SOX5: variants seen among roughly 807,000 people sequenced by gnomAD.
SOX5 encodes the protein transcription factor SOX-5.
A neutral mutation model predicts 92.0 loss-of-function variants in SOX5; 9 were observed. That is an observed-to-expected ratio of 0.10 (90% CI 0.06 to 0.17). The LOEUF (loss-of-function observed/expected upper bound fraction) is 0.17, where lower values mean the gene tolerates loss of function less well. SOX5 is among the 10% of genes least tolerant of loss of function. The probability of loss-of-function intolerance (pLI) is 1.00; values close to 1 mark genes in which losing one functional copy is unlikely to be tolerated. For synonymous variants in SOX5, 344 were observed against 336.3 expected (o/e 1.02, Z -0.25); for missense variants, 642 against 944.5 (o/e 0.68, Z 4.20).
At chr12:24,327,010 G>A (rs1406144937) in intron 2 of SOX5, among the ~76,000 whole-genome samples, 1 of 152,180 alleles carries the variant, frequency 6.6e-6, no homozygotes, top group Non-Finnish European at 1.5e-5. Context: ...CTCAGACACA[G>A]TAGGTGCTCA....
At chr12:24,075,345 T>C (rs1382129975) in intron 4 of SOX5, among the ~76,000 whole-genome samples, 1 of 151,314 alleles carries the variant, frequency 6.6e-6, no homozygotes, top group African/African-American at 2.4e-5. Context: ...TTTTCCTAAT[T>C]TTTTATAGCA....
intron 1 of SOX5, among the ~76,000 whole-genome samples, chr12:24,382,804 G>C (rs1445360339): frequency 6.6e-6 from 1 of 152,048 alleles, no homozygotes; most frequent in Non-Finnish European, 1.5e-5. Flanking sequence ...CAAAAGAGAG[G>C]AGTCAAGGAT....
At chr12:24,519,879 T>A (rs1950115756) in intron 1 of SOX5, among the ~76,000 whole-genome samples, 1 of 152,072 alleles carries the variant, frequency 6.6e-6, no homozygotes. Context: ...CTGAGGCACA[T>A]TACAATCAAA....
intron 1 of SOX5, among the ~76,000 whole-genome samples, chr12:24,475,285 CTATGAG>C (rs1275091480): frequency 1.3e-5 from 2 of 152,296 alleles, no homozygotes; most frequent in African/African-American, 2.4e-5. Flanking sequence ...TATACCATTT[CTATGAG>C]TATATCAAGA....
chr12:23,988,523 A>G (rs906087884), intron 4 of SOX5, among the ~76,000 whole-genome samples: 15 of 152,224 alleles, frequency 9.9e-5, no homozygotes, highest in African/African-American at 3.6e-4. Context: ...AAGCAAAAGT[A>G]TTTGAGAGTG....
intron 3 of SOX5, among the ~76,000 whole-genome samples, chr12:24,213,949 A>T (rs1187188792): frequency 1.3e-5 from 2 of 150,462 alleles, no homozygotes; most frequent in African/African-American, 4.9e-5. Context: ...GATAGTTTAA[A>T]ATATATATAT....
intron 4 of SOX5, among the ~76,000 whole-genome samples, chr12:24,155,522 G>A (rs1018483825): frequency 6.6e-6 from 1 of 152,084 alleles, no homozygotes; most frequent in Non-Finnish European, 1.5e-5. Context: ...GGGTTCAGAA[G>A]TACAGAAAGC....
chr12:24,438,202 T>C (rs1309838682), intron 1 of SOX5, among the ~76,000 whole-genome samples: 1 of 152,132 alleles, frequency 6.6e-6, no homozygotes, highest in East Asian at 1.9e-4. Context: ...AAACCCCACA[T>C]GTTCTCACTC....
At chr12:23,758,282 C>A (rs2094460472) in intron 3 of SOX5, among the ~76,000 whole-genome samples, 1 of 151,660 alleles carries the variant, frequency 6.6e-6, no homozygotes, top group Non-Finnish European at 1.5e-5. Context: ...CATGTAACAT[C>A]CATGTTACGG....
rs76923019 is a variant in SOX5 at position 23,962,195 on chromosome 12, C to A, written c.-1-66171G>T. 4.1e-3 allele frequency among the ~76,000 whole-genome samples: 618 copies of A among 149,820 alleles called. 2 individuals carry two copies. The highest frequency in any genetic ancestry group is 0.014 in the African/African-American group (588 of 40,712). Reference sequence around the variant, plus strand: ...CTAAATTAGAAAGGATAAGAAAGAACAAACACCACAAAGAGTTAAACAAAC... The same window carrying A: ...CTAAATTAGAAAGGATAAGAAAGAAAAAACACCACAAAGAGTTAAACAAAC... On this transcript the variant is annotated intron_variant, in intron 4 of 4. Coordinates refer to the SOX5 transcript ENST00000446891.
chr12:24,107,470 C>T (rs548277421), intron 4 of SOX5, among the ~76,000 whole-genome samples: 1 of 152,202 alleles, frequency 6.6e-6, no homozygotes, highest in Admixed American at 6.5e-5. Context: ...ATAGGGTATA[C>T]AGAATTTTAA....
chr12:24,005,920 T>C (rs1952107548), intron 4 of SOX5, among the ~76,000 whole-genome samples: 1 of 152,234 alleles, frequency 6.6e-6, no homozygotes, highest in Admixed American at 6.5e-5. Flanking sequence ...TGCAGAAGCT[T>C]TTCTTATGGA....
At chr12:24,058,814 T>TAA (rs1939099859) in intron 4 of SOX5, among the ~76,000 whole-genome samples, 1 of 151,950 alleles carries the variant, frequency 6.6e-6, no homozygotes, top group African/African-American at 2.4e-5. Flanking sequence ...AATAAATAAA[T>TAA]ATAGTTCATG....
intron 4 of SOX5, among the ~76,000 whole-genome samples, chr12:24,177,351 T>C (rs1048684460): frequency 2.0e-5 from 3 of 152,170 alleles, no homozygotes; most frequent in Non-Finnish European, 2.9e-5. Flanking sequence ...TATTTCTATG[T>C]CTCATCTAGA....
At chr12:23,725,735 A>G (rs1011145017) in intron 6 of SOX5, among the ~76,000 whole-genome samples, 3 of 150,522 alleles carry the variant, frequency 2.0e-5, no homozygotes, top group African/African-American at 4.9e-5. Context: ...AAGTCAGATG[A>G]TGGAGCATTA....
intron 3 of SOX5, among the ~76,000 whole-genome samples, chr12:23,837,903 A>G (rs866326731): frequency 6.2e-5 from 7 of 113,746 alleles, no homozygotes; most frequent in African/African-American, 2.2e-4. Flanking sequence ...AGATATATTT[A>G]TATTTATATA....
chr12:23,919,485 T>C (rs940207614), intron 1 of SOX5, among the ~76,000 whole-genome samples: 1 of 152,234 alleles, frequency 6.6e-6, no homozygotes. Context: ...CATCTAAATG[T>C]GGTAATAAAA....
intron 9 of SOX5, among the ~76,000 whole-genome samples, chr12:23,580,942 T>A (rs1049636827): frequency 5.9e-5 from 9 of 152,040 alleles, no homozygotes; most frequent in African/African-American, 1.9e-4. Flanking sequence ...TTATTCCACA[T>A]AAACTTTACA....
chr12:24,376,953 C>T (rs1300126496), intron 1 of SOX5, among the ~76,000 whole-genome samples: 2 of 151,474 alleles, frequency 1.3e-5, no homozygotes, highest in East Asian at 3.9e-4. Flanking sequence ...TCAAGCGATC[C>T]TCCCACCTCA....
Sources: gnomAD v4.1 joint callset for allele counts (sites outside exome capture counted in the v4.1 genomes callset) on GRCh38, gnomAD v4.1.1 for gene constraint, MANE v1.5 for transcripts, NCBI Gene and HGNC (gene_info 2026-07-23, HGNC 2026-07-21) for gene names.